Variants in NTNG1 observed in about 807,000 individuals in gnomAD.
The protein encoded by NTNG1 is netrin-G1.
In NTNG1, 16 loss-of-function variants were observed where a neutral mutation model predicts 54.0. The observed-to-expected ratio is 0.30, with a 90% confidence interval of 0.20 to 0.45. NTNG1 has a LOEUF of 0.45. Ranked by LOEUF, NTNG1 falls within the 20% of genes least tolerant of loss-of-function variation. The pLI is 1.00. For synonymous variants in NTNG1, 255 were observed against 263.1 expected (o/e 0.97, Z 0.30); for missense variants, 530 against 678.7 (o/e 0.78, Z 2.43).
intron 3 of NTNG1, 69 bp downstream of exon 3, chr1:107,324,991 G>A (rs968187552): frequency 5.7e-5 from 82 of 1,435,466 alleles, no homozygotes; most frequent in Non-Finnish European, 7.2e-5. Context: ...GTGTCTCACA[G>A]CTGTAAAGTG....
rs569406160 is a variant in NTNG1 at position 107,373,944 on chromosome 1, C to T, written c.888-21210C>T. Among the ~76,000 whole-genome samples the T allele has an allele frequency of 1.7e-4, 26 of 152,268 alleles. No homozygotes were observed. The East Asian group carries it at 5.0e-3, about 29-fold the overall frequency. ...CTCAAACACCTGGCTTCAAGAAATC[C>T]TCCTGCCTCGGCCTCTGAGAGTATT... On this transcript the variant is annotated intron_variant, in intron 3 of 7. Transcript: ENST00000370068.
At chr1:107,406,669 G>C (rs1348171554) in intron 4 of NTNG1, among the ~76,000 whole-genome samples, 2 of 152,084 alleles carry the variant, frequency 1.3e-5, no homozygotes, top group African/African-American at 4.8e-5. Flanking sequence ...ATGTTGCTTG[G>C]TGAATGAGCT....
intron 2 of NTNG1, among the ~76,000 whole-genome samples, chr1:107,153,593 A>G (rs1654749951): frequency 6.6e-6 from 1 of 152,190 alleles, no homozygotes; most frequent in African/African-American, 2.4e-5. Flanking sequence ...AGTTTAACTC[A>G]TGTTTGGAAT....
intron 2 of NTNG1, among the ~76,000 whole-genome samples, chr1:107,236,631 G>T (rs760682324): frequency 2.6e-5 from 4 of 152,200 alleles, no homozygotes; most frequent in Admixed American, 1.3e-4. Context: ...CAATTCCCAT[G>T]TGTTGTGGGA....
chr1:107,328,114 A>G (rs1668073094), intron 3 of NTNG1, among the ~76,000 whole-genome samples: 1 of 152,134 alleles, frequency 6.6e-6, no homozygotes, highest in Non-Finnish European at 1.5e-5. Context: ...CGTATTTATT[A>G]AGATAATGAA....
chr1:107,290,990 C>T (rs1205099701), intron 2 of NTNG1, among the ~76,000 whole-genome samples: 2 of 141,902 alleles, frequency 1.4e-5, no homozygotes, highest in Non-Finnish European at 3.0e-5. Flanking sequence ...TATATACACA[C>T]ACACATACAT....
intron 4 of NTNG1, among the ~76,000 whole-genome samples, chr1:107,403,143 A>T (rs1570882073): frequency 6.6e-6 from 1 of 152,124 alleles, no homozygotes; most frequent in Non-Finnish European, 1.5e-5. Context: ...ACATCACATT[A>T]TTATATTGTG....
intron 2 of NTNG1, among the ~76,000 whole-genome samples, chr1:107,225,729 T>C (rs1660632051): frequency 6.6e-6 from 1 of 152,164 alleles, no homozygotes; most frequent in African/African-American, 2.4e-5. Context: ...CAACATTTTA[T>C]CCCTAGGAAG....
intron 2 of NTNG1, among the ~76,000 whole-genome samples, chr1:107,182,156 A>G (rs941302070): frequency 1.3e-5 from 2 of 152,154 alleles, no homozygotes. Flanking sequence ...GAATGCATAA[A>G]TGTATTTTAT....
intron 4 of NTNG1, among the ~76,000 whole-genome samples, chr1:107,396,638 G>A (rs1672701824): frequency 6.6e-6 from 1 of 152,108 alleles, no homozygotes; most frequent in African/African-American, 2.4e-5. Context: ...ATTTGAAAGG[G>A]ATCTTGCAAG....
intron 2 of NTNG1, among the ~76,000 whole-genome samples, chr1:107,179,649 C>T (rs187234853): frequency 6.6e-6 from 1 of 152,150 alleles, no homozygotes; most frequent in East Asian, 1.9e-4. Flanking sequence ...CACAGGTAAA[C>T]TTGTGTCATA....
intron 2 of NTNG1, among the ~76,000 whole-genome samples, chr1:107,225,832 A>G (rs17018634): frequency 0.022 from 3,323 of 152,106 alleles, 122 homozygotes; most frequent in African/African-American, 0.076. Flanking sequence ...TTCTTTTTTC[A>G]TAGAACCCTT....
chr1:107,219,784 C>T (rs1296294407), intron 2 of NTNG1, among the ~76,000 whole-genome samples: 1 of 152,180 alleles, frequency 6.6e-6, no homozygotes, highest in African/African-American at 2.4e-5. Context: ...CCAGCACCTA[C>T]TTGGTGGAGG....
chr1:107,452,030 G>A (rs569668193), intron 7 of NTNG1, among the ~76,000 whole-genome samples: 1 of 152,158 alleles, frequency 6.6e-6, no homozygotes, highest in East Asian at 1.9e-4. Context: ...AGTGTGTCTT[G>A]TTGAAAAAAT....
chr1:107,404,102 T>C (rs895115881), intron 4 of NTNG1, among the ~76,000 whole-genome samples: 4 of 149,580 alleles, frequency 2.7e-5, no homozygotes, highest in Non-Finnish European at 4.5e-5. Flanking sequence ...TATATATATG[T>C]ATAATTTTAT....
chr1:107,477,596 A>C (rs686002), intron 7 of NTNG1, among the ~76,000 whole-genome samples: 147,394 of 152,256 alleles, frequency 0.97, 71,493 homozygotes, highest in East Asian at 1. Flanking sequence ...GCTTTTCTAC[A>C]AGTATCTGCC....
In NTNG1 at chr1:107,484,516, G is replaced by T. The variant is rs895155690; in HGVS notation, c.*3676G>T. On this transcript the variant is annotated 3_prime_UTR_variant, in exon 8 of 8. Coordinates refer to ENST00000370068, the MANE Select transcript of NTNG1 (RefSeq NM_001113226.3). ...GCACAAGATCCTGCAGACATTTGGG[G>T]TCGATCTGCCTGAGGTGCCCTTGAG... Among the ~76,000 whole-genome samples, 1 of 152,200 alleles carries T rather than the reference G, an allele frequency of 6.6e-6. No homozygotes were observed. Among genetic ancestry groups the T allele is most frequent in the Non-Finnish European group, 1.5e-5 (1 of 68,048 alleles).
chr1:107,465,945 G>A (rs1257017371), intron 7 of NTNG1, among the ~76,000 whole-genome samples: 2 of 152,188 alleles, frequency 1.3e-5, no homozygotes. Context: ...TTGTGTGTGT[G>A]TGCATATGTG....
intron 4 of NTNG1, among the ~76,000 whole-genome samples, chr1:107,399,350 C>G (rs1378163699): frequency 1.3e-5 from 2 of 152,152 alleles, no homozygotes; most frequent in Non-Finnish European, 2.9e-5. Context: ...TCAATCTTTT[C>G]CTTTTCTCTT....
Sources: allele counts gnomAD v4.1 joint callset (sites outside exome capture counted in the v4.1 genomes callset), GRCh38; gene constraint gnomAD v4.1.1; transcripts MANE v1.5; gene names NCBI Gene and HGNC (gene_info 2026-07-23, HGNC 2026-07-21).